The following QRICH2 variants were observed in gnomAD, a reference collection of about 807,000 sequenced individuals.
QRICH2 encodes the protein glutamine rich 2, also known as glutamine-rich protein 2.
In QRICH2, 119 loss-of-function variants were observed where a neutral mutation model predicts 168.3. That is an observed-to-expected ratio of 0.71 (90% CI 0.61 to 0.82). The LOEUF (loss-of-function observed/expected upper bound fraction) is 0.82, where lower values mean the gene tolerates loss of function less well. QRICH2 is among the 40% of genes least tolerant of loss of function. The pLI is 0.00. For synonymous variants in QRICH2, 894 were observed against 951.2 expected (o/e 0.94, Z 1.11); for missense variants, 2,241 against 2,491.6 (o/e 0.90, Z 2.14).
intron 3 of QRICH2, among the ~76,000 whole-genome samples, chr17:76,299,824 A>G (rs1174331054): frequency 6.6e-6 from 1 of 151,922 alleles, no homozygotes; most frequent in Non-Finnish European, 1.5e-5. Flanking sequence ...ACTTTTTTAA[A>G]GCCAAACCTT....
At chr17:76,279,194 C>A in intron 13 of QRICH2, 52 bp from the exon 14 acceptor site, 2 of 1,465,892 alleles carry the variant, frequency 1.4e-6, no homozygotes, top group Non-Finnish European at 9.4e-7. Flanking sequence ...CAAGTCCGGT[C>A]CCCCAAATCC....
chr17:76,283,020 G>A (rs1164055598), intron 7 of QRICH2, among the ~76,000 whole-genome samples: 1 of 152,232 alleles, frequency 6.6e-6, no homozygotes, highest in Non-Finnish European at 1.5e-5. Context: ...GACAGGTGGG[G>A]TGGCCCACCC....
chr17:76,277,949 T>G, intron 15 of QRICH2, 40 bp downstream of exon 15: 1 of 1,596,506 alleles, frequency 6.3e-7, no homozygotes, highest in Non-Finnish European at 8.5e-7. Flanking sequence ...GCCTGGTCAC[T>G]GGGTGCCTGC....
At chr17:76,306,479 G>C (rs1384372378) in intron 1 of QRICH2, among the ~76,000 whole-genome samples, 1 of 152,172 alleles carries the variant, frequency 6.6e-6, no homozygotes, top group Admixed American at 6.5e-5. Context: ...AGGTGGCTCT[G>C]AGACATGCAC....
At chr17:76,279,284 G>A in intron 13 of QRICH2, 79 bp downstream of exon 13, 1 of 1,388,004 alleles carries the variant, frequency 7.2e-7, no homozygotes, top group South Asian at 1.2e-5. Flanking sequence ...AAGAAAGGGA[G>A]AGGACAGGTG....
intron 3 of QRICH2, among the ~76,000 whole-genome samples, chr17:76,294,757 G>A (rs2070768329): frequency 6.7e-6 from 1 of 149,084 alleles, no homozygotes; most frequent in Non-Finnish European, 1.5e-5. Flanking sequence ...AGGTTGCAGT[G>A]AGCCGAGATT....
Position 76,291,975 on chromosome 17 carries a change from G to C in QRICH2, c.2752C>G (p.Gln918Glu). The C allele has an allele frequency of 6.2e-7, 1 of 1,614,100 alleles. No homozygotes were observed. Among genetic ancestry groups the C allele is most frequent in the South Asian group, 1.1e-5 (1 of 91,090 alleles). ...QLGMVQPGIG[Q>E]QGMVQPQADP... ...GCCTGAGGTTGCACCATACCTTGCT[G>C]ACCTATTCCAGGCTGCACCATACCC... is the stretch of plus-strand genomic sequence containing the variant. The change falls in exon 4 of 19, where the codon CAG becomes GAG. Residue 918 changes from glutamine (Q) to glutamate (E), a missense_variant. Gln to Glu is a conservative substitution (Grantham distance 29). Transcript: ENST00000680821.
chr17:76,275,690 A>G (rs1467345430), intron 18 of QRICH2, 129 bp downstream of exon 18: 2 of 1,226,170 alleles, frequency 1.6e-6, no homozygotes, highest in African/African-American at 3.0e-5. Context: ...TCTTTTCCAC[A>G]CCCATCCCCC....
Position 76,307,759 on chromosome 17 carries a change from G to T in QRICH2, c.240C>A (p.Pro80=), listed in dbSNP as rs575586637. 75 of 1,378,504 alleles carry T rather than the reference G, an allele frequency of 5.4e-5. No individual in the cohort carries two copies. The East Asian group carries it at 1.4e-3, about 26-fold the overall frequency. 85.4% of individuals were successfully genotyped at this position (1,378,504 alleles called of 1,614,324 possible). ...TGCGCTTCTCCCGGGGCGCCCCCTT[G>T]GGCACCTCCTTGGGCGCGGGCAGGT... ...IPHLPAPKEV[P]KGAPREKRRG... The change falls in exon 1 of 19, where the codon CCC becomes CCA. Residue 80 remains proline (P), a synonymous_variant. Coordinates refer to ENST00000680821, the MANE Select transcript of QRICH2 (RefSeq NM_001388453.1). This position sits in a 1 kb window ranked among gnomAD's most constrained non-coding sequence, Gnocchi z 5.3.
chr17:76,278,334 T>C (rs2070727595), intron 14 of QRICH2, 145 bp from the exon 15 acceptor site: 2 of 728,982 alleles, frequency 2.7e-6, no homozygotes, highest in Admixed American at 5.0e-5. Flanking sequence ...CCCTCAGCAG[T>C]AGTCCTTTCC....
At chr17:76,288,342 C>CAT (rs1468387013) in intron 5 of QRICH2, among the ~76,000 whole-genome samples, 2 of 135,686 alleles carry the variant, frequency 1.5e-5, no homozygotes, top group Admixed American at 7.9e-5. Context: ...CGAGATTGTG[C>CAT]CACTGCACTC....
At chr17:76,288,291 C>T (rs1225474995) in intron 5 of QRICH2, among the ~76,000 whole-genome samples, 3 of 143,316 alleles carry the variant, frequency 2.1e-5, no homozygotes, top group African/African-American at 5.2e-5. Flanking sequence ...GGCTGAGACA[C>T]GAGAATCATT....
At chr17:76,276,537 A>T in intron 17 of QRICH2, 143 bp downstream of exon 17, 1 of 618,754 alleles carries the variant, frequency 1.6e-6, no homozygotes, top group South Asian at 1.9e-5. Context: ...TGGCTTTTCG[A>T]GAGACCTGCA....
chr17:76,305,103 G>A (rs1314176005), intron 1 of QRICH2, among the ~76,000 whole-genome samples, 162 bp from the exon 2 acceptor site: 1 of 151,660 alleles, frequency 6.6e-6, no homozygotes, highest in African/African-American at 2.4e-5. Flanking sequence ...AGGAAAGGGG[G>A]AATTTGTGTG....
rs767828878 is a variant in QRICH2 at position 76,291,978 on chromosome 17, C to T, written c.2749G>A (p.Gly917Ser). ...GQLGMVQPGIGQQGMVQPQAD... is the reference protein window; with the variant it reads ...GQLGMVQPGISQQGMVQPQAD... ...TGAGGTTGCACCATACCTTGCTGAC[C>T]TATTCCAGGCTGCACCATACCCAGC... The change falls in exon 4 of 19, where the codon GGT becomes AGT. Residue 917 changes from glycine (G) to serine (S), a missense_variant. By Grantham distance (56) the Gly-to-Ser change is moderately conservative. Around this residue, in one of 3 missense-constraint regions of QRICH2, gnomAD observed 2,047 missense variants for 2,303.8 expected, o/e 0.89. Coordinates refer to ENST00000680821, the MANE Select transcript of QRICH2 (RefSeq NM_001388453.1). 1 of 1,614,100 alleles carries T rather than the reference C, an allele frequency of 6.2e-7. No individual in the cohort carries two copies. Among genetic ancestry groups the T allele is most frequent in the Non-Finnish European group, 8.5e-7 (1 of 1,180,038 alleles).
upstream of QRICH2, chr17:76,308,639 C>G (rs919972697): frequency 6.8e-6 from 2 of 292,544 alleles, no homozygotes; most frequent in African/African-American, 4.6e-5. Flanking sequence ...TTTGTTCAAT[C>G]AAAGGTGAAG....
chr17:76,284,742 C>T, intron 7 of QRICH2, among the ~76,000 whole-genome samples: 1 of 151,210 alleles, frequency 6.6e-6, no homozygotes, highest in Non-Finnish European at 1.5e-5. Context: ...CACTTGAACT[C>T]AGAGGGCGGA....
rs760523696 is a variant in QRICH2 at position 76,274,165 on chromosome 17, T to A, written c.5578A>T (p.Arg1860Trp). The change falls in exon 19 of 19, where the codon AGG becomes TGG. Residue 1860 changes from arginine to tryptophan, a missense_variant. By Grantham distance (101) the Arg-to-Trp change is moderately radical (BLOSUM62 -3). Transcript: ENST00000680821. Reference sequence around the variant, plus strand: ...ATGTCCACGTGCCTCTCCAGCCCCCTGTTTGCCACCGCGGCGGAGCTGGGC... The same window carrying A: ...ATGTCCACGTGCCTCTCCAGCCCCCAGTTTGCCACCGCGGCGGAGCTGGGC... Reference protein sequence around the residue: ...HPPSSAAVANRGLERHVDMPP... With the variant: ...HPPSSAAVANWGLERHVDMPP... The A allele has an allele frequency of 6.3e-7, 1 of 1,580,928 alleles. No individual in the cohort carries two copies. The highest frequency in any genetic ancestry group is 8.5e-7 in the Non-Finnish European group (1 of 1,169,680).
rs2143310258 is a variant in QRICH2, at chr17:76,292,889, G to A, written c.1838C>T (p.Pro613Leu). The change falls in exon 4 of 19, where the codon CCT becomes CTT. Residue 613 changes from proline to leucine, a missense_variant. Coordinates refer to ENST00000680821, the MANE Select transcript of QRICH2 (RefSeq NM_001388453.1). Reference sequence around the variant, plus strand: ...GACCAAACCACGCTGATCTGCACCAGGTTGGGCCAAACCAGACTGATCCAT... The same window carrying A: ...GACCAAACCACGCTGATCTGCACCAAGTTGGGCCAAACCAGACTGATCCAT... ...PGMDQSGLAQPGADQRGLVWP... is the reference protein window; with the variant it reads ...PGMDQSGLAQLGADQRGLVWP... 1.9e-6 allele frequency: 3 copies of A among 1,610,706 alleles called. No individual in the cohort carries two copies. The East Asian group carries it at 6.7e-5, about 36-fold the overall frequency.
Sources: allele counts gnomAD v4.1 joint callset (sites outside exome capture counted in the v4.1 genomes callset), GRCh38; gene constraint gnomAD v4.1.1; regional missense constraint gnomAD v4.1.1; non-coding constraint Gnocchi (gnomAD v3.1); transcripts MANE v1.5; gene names NCBI Gene and HGNC (gene_info 2026-07-23, HGNC 2026-07-21).